Variants in CATSPERD observed in about 807,000 individuals in gnomAD.
The protein encoded by CATSPERD is cation channel sperm-associated auxiliary subunit delta.
A neutral mutation model predicts 98.1 loss-of-function variants in CATSPERD; 86 were observed. The observed-to-expected ratio is 0.88, with a 90% CI of 0.74 to 1.05. The LOEUF is 1.05. CATSPERD is among the 50% of genes least tolerant of loss of function. The pLI is 0.00. For synonymous variants in CATSPERD, 394 were observed against 390.2 expected (o/e 1.01, Z -0.12); for missense variants, 995 against 1,005.7 (o/e 0.99, Z 0.14).
chr19:5,722,697 G>A (rs1351631311), intron 1 of CATSPERD, among the ~76,000 whole-genome samples: 2 of 149,792 alleles, frequency 1.3e-5, no homozygotes, highest in African/African-American at 2.5e-5. Flanking sequence ...CGGGGACTTG[G>A]CAGTGGGACC....
At chr19:5,772,143 G>A in intron 19 of CATSPERD, 1 of 408,302 alleles carries the variant, frequency 2.4e-6, no homozygotes, top group Non-Finnish European at 4.8e-6. Context: ...AACCTCCCAG[G>A]CTCAAGCGGT....
intron 15 of CATSPERD, among the ~76,000 whole-genome samples, chr19:5,761,733 G>A (rs1467280247): frequency 6.7e-6 from 1 of 148,280 alleles, no homozygotes; most frequent in Non-Finnish European, 1.5e-5. Context: ...ATGGAGCTTC[G>A]CTCTTGTTGC....
chr19:5,749,122 T>C lies in CATSPERD; in HGVS notation c.926T>C (p.Ile309Thr), dbSNP rs760215510. The C allele has an allele frequency of 6.2e-7, 1 of 1,612,478 alleles. No homozygotes were observed. Among genetic ancestry groups the C allele is most frequent in the Non-Finnish European group, 8.5e-7 (1 of 1,179,390 alleles). Residue 309 changes from isoleucine to threonine, a missense_variant, in exon 11 of 22, where the codon ATA becomes ACA. This residue lies in a region of CATSPERD where 762 missense variants were observed against 773.7 expected (regional missense o/e 0.98). Transcript: ENST00000381624. ...IAVTENELAV[I>T]TREDNLYYGN... ...CCAGCTGAAAATGAACTGGCAGTTA[T>C]AACTCGGGAGGATAATTTGTATTAT...
chr19:5,754,137 G>A lies in CATSPERD; in HGVS notation c.1170G>A (p.Glu390=). The change falls in exon 13 of 22, where the codon GAG becomes GAA. Residue 390 remains glutamate, a synonymous_variant. Coordinates refer to ENST00000381624, the MANE Select transcript of CATSPERD (RefSeq NM_152784.4). ...PELHVGKCKI[E]FLTGEFIYRM... ...TTCTTCGCCTTTTTAACTAGATAGA[G>A]TTTCTGACAGGAGAATTTATATACA... is the stretch of plus-strand genomic sequence containing the variant. 1.2e-6 allele frequency: 2 copies of A among 1,604,788 alleles called. No homozygotes were observed. The highest frequency in any genetic ancestry group is 1.7e-6 in the Non-Finnish European group (2 of 1,171,584).
chr19:5,729,549 T>C (rs2055673826), intron 3 of CATSPERD, among the ~76,000 whole-genome samples: 3 of 152,226 alleles, frequency 2.0e-5, no homozygotes, highest in Admixed American at 1.3e-4. Flanking sequence ...TTATTTCTTA[T>C]ATACACATTC....
At chr19:5,735,606 A>G (rs62107431) in intron 5 of CATSPERD, among the ~76,000 whole-genome samples, 70,810 of 150,154 alleles carry the variant, frequency 0.47, 16,806 homozygotes, top group African/African-American at 0.53. Context: ...CCGAGTAGCT[A>G]GGACTACAGG....
At chr19:5,760,759 C>T (rs996111391) in intron 15 of CATSPERD, among the ~76,000 whole-genome samples, 6 of 151,924 alleles carry the variant, frequency 3.9e-5, no homozygotes, top group Admixed American at 1.3e-4. Flanking sequence ...CCCGGTGTGA[C>T]GGCTCACGCC....
chr19:5,778,402 G>T lies in CATSPERD; in HGVS notation c.2123G>T (p.Ser708Ile). 13 of 1,611,704 alleles carry T rather than the reference G, an allele frequency of 8.1e-6. No individual in the cohort carries two copies. Among genetic ancestry groups the T allele is most frequent in the Non-Finnish European group, 1.1e-5 (13 of 1,178,546 alleles). The stretch of plus-strand genomic sequence containing the variant: ...TACTGTCAACTGGAGACCATCTTTA[G>T]CATCTACGTGTATGGAGCATTCCCC... ...YSYCQLETIF[S>I]IYVYGAFPVQ... is the part of the protein sequence containing the mutation. Residue 708 changes from serine to isoleucine, a missense_variant, in exon 22 of 22, where the codon AGC becomes ATC. Physicochemically the swap from Ser to Ile is moderately radical, Grantham distance 142 (BLOSUM62 -2). Transcript: ENST00000381624.
chr19:5,740,789 T>TAGC (rs947042002), intron 7 of CATSPERD, among the ~76,000 whole-genome samples: 1 of 137,132 alleles, frequency 7.3e-6, no homozygotes, highest in Non-Finnish European at 1.5e-5. Context: ...AAAAAAAAGC[T>TAGC]AGCGCCCAGC....
In CATSPERD at chr19:5,754,254, ATCT is replaced by A; in HGVS notation, c.1278+11_1278+13del. ...CATCCCTGATTCCTCTGGTAAGTACATCTTAATGTTTCTGCTATCTGGGATTCT... is the reference window on the plus strand; with the variant it reads ...CATCCCTGATTCCTCTGGTAAGTACATAATGTTTCTGCTATCTGGGATTCT... On this transcript the variant is annotated intron_variant, in intron 13 of 21. Coordinates refer to ENST00000381624, the MANE Select transcript of CATSPERD (RefSeq NM_152784.4). 1 of 1,592,162 alleles carries A rather than the reference ATCT, an allele frequency of 6.3e-7. No individual in the cohort carries two copies.
chr19:5,737,858 A>G (rs1292512200), intron 6 of CATSPERD, among the ~76,000 whole-genome samples: 2 of 151,842 alleles, frequency 1.3e-5, no homozygotes, highest in African/African-American at 4.8e-5. Context: ...CTCAAAAAAA[A>G]AAAAAAGAAA....
intron 6 of CATSPERD, among the ~76,000 whole-genome samples, chr19:5,738,268 G>A (rs544518076): frequency 6.6e-6 from 1 of 150,714 alleles, no homozygotes; most frequent in African/African-American, 2.4e-5. Flanking sequence ...TTAGCCAGGC[G>A]TGCTGGCAGT....
intron 13 of CATSPERD, among the ~76,000 whole-genome samples, chr19:5,756,284 G>GA (rs35567913): frequency 0.62 from 90,622 of 145,176 alleles, 30,074 homozygotes; most frequent in Non-Finnish European, 0.74. Context: ...CCCTCTCAAA[G>GA]AAAAAAAAAA....
rs1382153126 is a variant in CATSPERD, at chr19:5,768,148, AT to A, written c.1560-19del. 2.4e-5 allele frequency: 38 copies of A among 1,609,640 alleles called. No individual in the cohort carries two copies. Among genetic ancestry groups the A allele is most frequent in the Non-Finnish European group, 3.1e-5 (36 of 1,176,868 alleles). On this transcript the variant is annotated intron_variant, in intron 17 of 21. Transcript: ENST00000381624. The stretch of plus-strand genomic sequence containing the variant: ...CTTTGTGAGGTCATGCCATTGCTCA[AT>A]GTCCACTTTTGCTTGCAGCAAAGTT...
chr19:5,731,559 A>ATTTTTT (rs1568342216), intron 4 of CATSPERD, among the ~76,000 whole-genome samples: 4 of 78,536 alleles, frequency 5.1e-5, no homozygotes, highest in Admixed American at 1.6e-4. Context: ...GACACTTAAC[A>ATTTTTT]GTTTTTTTTT....
intron 3 of CATSPERD, 36 bp downstream of exon 3, chr19:5,727,380 TAAATTA>T: frequency 7.2e-7 from 1 of 1,390,742 alleles, no homozygotes; most frequent in Non-Finnish European, 1.0e-6. Flanking sequence ...ACCTTCCTTT[TAAATTA>T]AATCTTTAGA....
At position 5,778,571 on chromosome 19, in the gene CATSPERD, G is replaced by C. The variant is rs750478491; in HGVS notation, c.2292G>C (p.Arg764Ser). Reference protein sequence around the residue: ...RIKKCATQLCRRCKTVCQFRA... With the variant: ...RIKKCATQLCSRCKTVCQFRA... ...AGAAGTGTGCGACACAGCTGTGTAG[G>C]AGATGCAAGACGGTCTGCCAGTTCA... The change falls in exon 22 of 22, where the codon AGG (arginine) becomes AGC (serine). Residue 764 changes from arginine to serine, a missense_variant. By Grantham distance (110) the Arg-to-Ser change is moderately radical. Transcript: ENST00000381624. The C allele has an allele frequency of 6.2e-7, 1 of 1,613,876 alleles. No homozygotes were observed. The highest frequency in any genetic ancestry group is 8.5e-7 in the Non-Finnish European group (1 of 1,180,034).
chr19:5,732,811 G>T (rs2055754088), intron 4 of CATSPERD, among the ~76,000 whole-genome samples: 1 of 151,868 alleles, frequency 6.6e-6, no homozygotes. Context: ...GAGTAACTGG[G>T]ATTACAGGCA....
chr19:5,727,614 A>G (rs913180671), intron 3 of CATSPERD, among the ~76,000 whole-genome samples: 2 of 152,170 alleles, frequency 1.3e-5, no homozygotes, highest in African/African-American at 4.8e-5. Flanking sequence ...AAAAATGCCT[A>G]GGAAGTTTCC....
Sources: gnomAD v4.1 joint callset for allele counts (sites outside exome capture counted in the v4.1 genomes callset) on GRCh38, gnomAD v4.1.1 for gene constraint, gnomAD v4.1.1 regional missense constraint, MANE v1.5 for transcripts, NCBI Gene and HGNC (gene_info 2026-07-23, HGNC 2026-07-21) for gene names.